The following EFR3B variants were observed in gnomAD, a reference collection of about 807,000 sequenced individuals.
EFR3B encodes the protein protein EFR3 homolog B.
EFR3B carries 64 observed loss-of-function variants against 104.7 expected under a neutral mutation model. The ratio of observed to expected loss-of-function variants is 0.61; its 90% CI spans 0.50 to 0.75. EFR3B has a LOEUF of 0.75. Among genes scored for constraint, EFR3B ranks in the 30% least tolerant of loss-of-function variants. The probability of loss-of-function intolerance (pLI) is 0.00; values close to 1 mark genes in which losing one functional copy is unlikely to be tolerated. For synonymous variants in EFR3B, 385 were observed against 417.9 expected (o/e 0.92, Z 0.96); for missense variants, 750 against 1,078.5 (o/e 0.70, Z 4.27).
intron 3 of EFR3B, among the ~76,000 whole-genome samples, chr2:25,103,173 C>T (rs1165455370): frequency 6.6e-6 from 1 of 152,226 alleles, no homozygotes; most frequent in Non-Finnish European, 1.5e-5. Context: ...TATCTCAGCT[C>T]ATTAAGTTGA....
At chr2:25,053,450 G>A (rs1006570241) in intron 1 of EFR3B, among the ~76,000 whole-genome samples, 2 of 152,120 alleles carry the variant, frequency 1.3e-5, no homozygotes, top group African/African-American at 4.8e-5. Context: ...TGCAGAGTGG[G>A]GTGTCACCAC....
At chr2:25,081,551 G>A in intron 1 of EFR3B, 1 of 981,318 alleles carries the variant, frequency 1.0e-6, no homozygotes, top group Non-Finnish European at 1.7e-6. Context: ...TGCTATTGCT[G>A]CTGTACTTGG....
intron 19 of EFR3B, among the ~76,000 whole-genome samples, chr2:25,148,729 C>T (rs984528058): frequency 1.0e-4 from 15 of 145,494 alleles, no homozygotes; most frequent in East Asian, 4.3e-4. Flanking sequence ...GAGACCATCC[C>T]GGCTAAAACG....
intron 16 of EFR3B, among the ~76,000 whole-genome samples, chr2:25,141,141 A>G: frequency 6.6e-6 from 1 of 151,662 alleles, no homozygotes; most frequent in East Asian, 1.9e-4. Flanking sequence ...CTTAGTGCAC[A>G]TGTGTCATTG....
intron 1 of EFR3B, among the ~76,000 whole-genome samples, chr2:25,071,177 G>A (rs1323915230): frequency 6.6e-6 from 1 of 151,680 alleles, no homozygotes; most frequent in Non-Finnish European, 1.5e-5. Flanking sequence ...AGCCAGGATG[G>A]TCTTGATCTC....
intron 1 of EFR3B, among the ~76,000 whole-genome samples, chr2:25,050,202 G>A (rs1667828703): frequency 6.6e-6 from 1 of 152,104 alleles, no homozygotes; most frequent in South Asian, 2.1e-4. Context: ...AGCAGTGGGA[G>A]CCATTGATGG....
intron 4 of EFR3B, among the ~76,000 whole-genome samples, chr2:25,121,163 A>G (rs1021466028): frequency 6.6e-6 from 1 of 152,164 alleles, no homozygotes; most frequent in Non-Finnish European, 1.5e-5. Context: ...CGGCCTCCCA[A>G]AGTGCTGGGA....
intron 1 of EFR3B, chr2:25,081,718 CG>C (rs1668813565): frequency 2.0e-6 from 1 of 493,582 alleles, no homozygotes; most frequent in Non-Finnish European, 3.5e-6. Context: ...CCCTTGGTAC[CG>C]CCTGCAGCCG....
chr2:25,148,025 CAA>C (rs58788213), intron 19 of EFR3B: 1,748 of 71,652 alleles, frequency 0.024, 29 homozygotes, highest in African/African-American at 0.087. Context: ...AACTCCATCT[CAA>C]AAAAAAAAAA....
At chr2:25,065,508 C>T (rs1325251422) in intron 1 of EFR3B, among the ~76,000 whole-genome samples, 1 of 152,080 alleles carries the variant, frequency 6.6e-6, no homozygotes, top group East Asian at 1.9e-4. Flanking sequence ...TAATATTTTA[C>T]AATGCTCTTG....
Position 25,130,709 on chromosome 2 carries a change from C to G in EFR3B, c.849+79C>G. The G allele has an allele frequency of 7.5e-7, 1 of 1,327,664 alleles. No homozygotes were observed. Among genetic ancestry groups the G allele is most frequent in the Non-Finnish European group, 1.1e-6 (1 of 945,300 alleles). The allele number at this position is 1,327,664 out of a possible 1,614,324, so 82.2% of individuals were successfully genotyped here. ...GCTAGACGGGTGCTAAAATAGAAAGCCAGAAGTCCCCTGTGACTCCTCCGA... is the reference window on the plus strand; with the variant it reads ...GCTAGACGGGTGCTAAAATAGAAAGGCAGAAGTCCCCTGTGACTCCTCCGA... On this transcript the variant is annotated intron_variant, in intron 8 of 22. Coordinates refer to ENST00000403714, the MANE Select transcript of EFR3B (RefSeq NM_014971.2). This position sits in a 1 kb window ranked among gnomAD's most constrained non-coding sequence, Gnocchi z 4.6.
chr2:25,080,283 C>CTTTTTTTATTTTTTTTTTT (rs1668757039), intron 1 of EFR3B: 1 of 140,354 alleles, frequency 7.1e-6, no homozygotes, highest in South Asian at 6.4e-5. Flanking sequence ...CTCCCCAAAG[C>CTTTTTTTATTTTTTTTTTT]TTTTTTTTTT....
chr2:25,057,482 T>C (rs1668055423), intron 1 of EFR3B, among the ~76,000 whole-genome samples: 1 of 152,096 alleles, frequency 6.6e-6, no homozygotes, highest in Non-Finnish European at 1.5e-5. Context: ...TAGATTCTTA[T>C]TGAAAACACC....
In EFR3B at chr2:25,137,671, T is replaced by C. The variant is rs866322218; in HGVS notation, c.1722+169T>C. ...CCCTGAAGACCCCAAACCATGGTCC[T>C]GTTTGGGGAACCCCAAAGAATGCTT... On this transcript the variant is annotated intron_variant, in intron 15 of 22. Transcript: ENST00000403714. The surrounding 1 kb of genome is among the most constrained non-coding windows in gnomAD (Gnocchi z 4.7). Among the ~76,000 whole-genome samples the C allele has an allele frequency of 2.0e-5, 3 of 152,220 alleles. No homozygotes were observed. In the South Asian group the frequency reaches 6.2e-4, roughly 32 times the overall value.
chr2:25,123,693 C>A (rs1286881759), intron 5 of EFR3B, among the ~76,000 whole-genome samples: 1 of 152,262 alleles, frequency 6.6e-6, no homozygotes, highest in African/African-American at 2.4e-5. Flanking sequence ...AGGTATAGGA[C>A]CATGGCCACA....
Position 25,133,022 on chromosome 2 carries a change from A to G in EFR3B, c.1259+8A>G, listed in dbSNP as rs1670412638. 6.5e-7 allele frequency: 1 copy of G among 1,549,702 alleles called. No individual in the cohort carries two copies. The highest frequency in any genetic ancestry group is 1.2e-5 in the South Asian group (1 of 84,010). On this transcript the variant is annotated splice_region_variant and intron_variant, in intron 11 of 22. Transcript: ENST00000403714. Reference sequence around the variant, plus strand: ...GGACACAGGCAGGACGGGGTGAGCCACCAATCTCCCCCAGCCTGGAGTCCT... The same window carrying G: ...GGACACAGGCAGGACGGGGTGAGCCGCCAATCTCCCCCAGCCTGGAGTCCT...
At chr2:25,064,447 A>T (rs1342995154) in intron 1 of EFR3B, among the ~76,000 whole-genome samples, 1 of 152,238 alleles carries the variant, frequency 6.6e-6, no homozygotes, top group Non-Finnish European at 1.5e-5. Flanking sequence ...CCTGCTTTTT[A>T]TAGGCTGCCT....
Position 25,154,024 on chromosome 2 carries a change from A to G in EFR3B, c.2349-211A>G, listed in dbSNP as rs1174280970. 6.6e-6 allele frequency among the ~76,000 whole-genome samples: 1 copy of G among 152,216 alleles called. No individual in the cohort carries two copies. Among genetic ancestry groups the G allele is most frequent in the Non-Finnish European group, 1.5e-5 (1 of 68,014 alleles). ...AGTGTTCCGGGCTGGCACTTTCTAA[A>G]GCAGCAGTGTCACTGCGGAGCCTGC... is the stretch of plus-strand genomic sequence containing the variant. On this transcript the variant is annotated intron_variant, in intron 22 of 22. Transcript: ENST00000403714. The surrounding 1 kb of genome is among the most constrained non-coding windows in gnomAD (Gnocchi z 4.1).
chr2:25,046,829 ATC>A (rs910920403), intron 1 of EFR3B, among the ~76,000 whole-genome samples: 1 of 151,962 alleles, frequency 6.6e-6, no homozygotes, highest in African/African-American at 2.4e-5. Flanking sequence ...CTCTGCAGAA[ATC>A]TCCATAGACT....
Sources: gnomAD v4.1 joint callset for allele counts (sites outside exome capture counted in the v4.1 genomes callset) on GRCh38, gnomAD v4.1.1 for gene constraint, Gnocchi (gnomAD v3.1) non-coding constraint, MANE v1.5 for transcripts, NCBI Gene and HGNC (gene_info 2026-07-23, HGNC 2026-07-21) for gene names.